Variants in LY75 observed in about 807,000 individuals in gnomAD.
LY75 encodes the protein C-type lectin domain family 13 member B.
LY75 carries 185 observed loss-of-function variants against 231.7 expected under a neutral mutation model. That is an observed-to-expected ratio of 0.80 (90% CI 0.71 to 0.90). The LOEUF (loss-of-function observed/expected upper bound fraction) is 0.90. Among genes scored for constraint, LY75 ranks in the 40% least tolerant of loss-of-function variants. The pLI is 0.00. For missense variants in LY75, 1,947 were observed against 2,050.2 expected, an observed-to-expected ratio of 0.95 and a Z score of 0.97; for synonymous variants, 668 against 689.0, an observed-to-expected ratio of 0.97 and a Z score of 0.48.
intron 12 of LY75, among the ~76,000 whole-genome samples, chr2:159,874,574 G>A (rs1241325396): frequency 2.0e-4 from 2 of 9,904 alleles, no homozygotes; most frequent in African/African-American, 6.4e-4. Flanking sequence ...ATATAAATAT[G>A]TACATATTTT....
chr2:159,890,734 A>G lies in LY75; in HGVS notation c.638-357T>C, dbSNP rs566381222. ...ATGGAAAACAAGCTCATTTGAACAT[A>G]GTGGCAGATGACAGAGGGTTTGCCC... On this transcript the variant is annotated intron_variant, in intron 3 of 34. Transcript: ENST00000263636. 2.0e-5 allele frequency among the ~76,000 whole-genome samples: 3 copies of G among 152,286 alleles called. No homozygotes were observed. The East Asian group carries it at 5.8e-4, about 29-fold the overall frequency.
At chr2:159,824,045 A>G (rs1683385722) in intron 28 of LY75, among the ~76,000 whole-genome samples, 1 of 152,158 alleles carries the variant, frequency 6.6e-6, no homozygotes, top group Non-Finnish European at 1.5e-5. Flanking sequence ...ATCAACTAAC[A>G]TGCAAAACAA....
chr2:159,831,565 C>T (rs562467200), intron 28 of LY75, 105 bp downstream of exon 28: 39 of 1,235,124 alleles, frequency 3.2e-5, no homozygotes, highest in Non-Finnish European at 4.3e-5. Context: ...CATAATTATA[C>T]TTTCACGTAT....
chr2:159,890,418 T>C, intron 3 of LY75, 41 bp from the exon 4 acceptor site: 1 of 1,607,782 alleles, frequency 6.2e-7, no homozygotes, highest in Non-Finnish European at 8.5e-7. Flanking sequence ...AGTAAGGACA[T>C]AATGTTTTCT....
chr2:159,846,997 A>T (rs13393895), intron 23 of LY75, among the ~76,000 whole-genome samples: 7,181 of 152,148 alleles, frequency 0.047, 520 homozygotes, highest in African/African-American at 0.16. Flanking sequence ...AGGCAATTTT[A>T]TTTTCTCTCT....
At chr2:159,878,775 G>A (rs186150038) in intron 9 of LY75, 54 bp from the exon 10 acceptor site, 1,639 of 1,586,198 alleles carry the variant, frequency 1.0e-3, no homozygotes, top group Non-Finnish European at 1.2e-3. Flanking sequence ...ATGGTGTCCC[G>A]TCTGGCAAGC....
At position 159,880,229 on chromosome 2, in the gene LY75, A is replaced by G. The variant is rs1188283832; in HGVS notation, c.1404+854T>C. Among the ~76,000 whole-genome samples, 4 of 152,252 alleles carry G rather than the reference A, an allele frequency of 2.6e-5. No individual in the cohort carries two copies. The South Asian group carries it at 8.3e-4, about 31-fold the overall frequency. On this transcript the variant is annotated intron_variant, in intron 8 of 34. Transcript: ENST00000263636. ...TGATACAAACAAAACGTAGAGGTAC[A>G]TATATCTTTTCTGCTCAAGACACAG...
At chr2:159,831,941 T>C (rs894397011) in intron 27 of LY75, 155 bp from the exon 28 acceptor site, 4 of 267,872 alleles carry the variant, frequency 1.5e-5, no homozygotes, top group African/African-American at 6.9e-5. Context: ...AATTATCCCA[T>C]TGTACTAAAA....
chr2:159,846,232 C>T (rs111630379), intron 23 of LY75, among the ~76,000 whole-genome samples: 1 of 151,642 alleles, frequency 6.6e-6, no homozygotes, highest in Admixed American at 6.6e-5. Flanking sequence ...AAAAAACACA[C>T]AAAAAACAGA....
chr2:159,815,415 T>G lies in LY75; in HGVS notation c.4539A>C (p.Lys1513Asn). ...AAATTGAAGTCTTACATTTTGTAGG[T>G]TTATAACAAATAGCACCATCCTTAA... Reference protein sequence around the residue: ...NSVKDGAICYKPTKSKKLSRL... With the variant: ...NSVKDGAICYNPTKSKKLSRL... The change falls in exon 31 of 35, where the codon AAA (lysine) becomes AAC (asparagine). Residue 1513 changes from lysine (K) to asparagine (N), a missense_variant. Physicochemically the swap from Lys to Asn is moderately conservative, Grantham distance 94 (BLOSUM62 0). Transcript: ENST00000263636. 1 of 1,599,990 alleles carries G rather than the reference T, an allele frequency of 6.3e-7. No individual in the cohort carries two copies. The highest frequency in any genetic ancestry group is 1.1e-5 in the South Asian group (1 of 88,616).
intron 11 of LY75, among the ~76,000 whole-genome samples, chr2:159,877,265 C>A (rs1038596212): frequency 6.6e-6 from 1 of 152,110 alleles, no homozygotes; most frequent in African/African-American, 2.4e-5. Flanking sequence ...ATTTTCCAAT[C>A]TCTGTGTTAT....
chr2:159,834,175 A>G lies in LY75; in HGVS notation c.3710T>C (p.Val1237Ala). 3 of 1,614,064 alleles carry G rather than the reference A, an allele frequency of 1.9e-6. No individual in the cohort carries two copies. The South Asian group carries it at 3.3e-5, about 18-fold the overall frequency. ...TEKEVKPVDS[V>A]KCPSPVLNTP... Reference sequence around the variant, plus strand: ...ATTTAGAACAGGAGATGGACATTTAACACTGTCAACTGGTTTGACCTCTTT... The same window carrying G: ...ATTTAGAACAGGAGATGGACATTTAGCACTGTCAACTGGTTTGACCTCTTT... Residue 1237 changes from valine to alanine, a missense_variant, in exon 27 of 35, where the codon GTT (valine) becomes GCT (alanine). Coordinates refer to ENST00000263636, the MANE Select transcript of LY75 (RefSeq NM_002349.4).
At position 159,804,180 on chromosome 2, in the gene LY75, A is replaced by G. The variant is rs889014636; in HGVS notation, c.*864T>C. ...TGGTATGAAATAACTTTGGAATAAT[A>G]TAAGAAACATCTTGCCAAGAGGAAT... is the stretch of plus-strand genomic sequence containing the variant. On this transcript the variant is annotated 3_prime_UTR_variant, in exon 35 of 35. Coordinates refer to ENST00000263636, the MANE Select transcript of LY75 (RefSeq NM_002349.4). The G allele has an allele frequency of 4.6e-5, 7 of 152,236 alleles. No homozygotes were observed. Among genetic ancestry groups the G allele is most frequent in the Admixed American group, 3.3e-4 (5 of 15,286 alleles). The allele number at this position is 152,236 out of a possible 1,614,324, so 9.4% of individuals were successfully genotyped here. A position where few individuals can be genotyped will look rare whatever the true frequency, so the allele number is the denominator to read the frequency against.
chr2:159,874,077 T>C (rs111215029), intron 12 of LY75, among the ~76,000 whole-genome samples: 1 of 138,798 alleles, frequency 7.2e-6, no homozygotes, highest in Non-Finnish European at 1.5e-5. Context: ...TGTAAAAATA[T>C]ATAAACGTAT....
At chr2:159,824,756 G>C (rs1314679641) in intron 28 of LY75, among the ~76,000 whole-genome samples, 3 of 151,048 alleles carry the variant, frequency 2.0e-5, no homozygotes, top group Admixed American at 6.6e-5. Context: ...GAAATCATAA[G>C]TCTCTCATAC....
At chr2:159,819,699 G>A in intron 29 of LY75, 27 bp downstream of exon 29, 1 of 1,572,070 alleles carries the variant, frequency 6.4e-7, no homozygotes, top group Non-Finnish European at 8.6e-7. Context: ...TGGAGTGAAA[G>A]AAAACTCTAT....
intron 28 of LY75, among the ~76,000 whole-genome samples, chr2:159,821,838 G>A (rs147296947): frequency 1.1e-4 from 17 of 152,316 alleles, no homozygotes; most frequent in South Asian, 8.3e-4. Context: ...CTGAGGTACC[G>A]GGTTCATCTC....
At chr2:159,826,993 G>C (rs1012327544) in intron 28 of LY75, among the ~76,000 whole-genome samples, 4 of 152,030 alleles carry the variant, frequency 2.6e-5, no homozygotes, top group Non-Finnish European at 1.5e-5. Context: ...TAAGACCTAT[G>C]ACCATAAAAA....
At chr2:159,863,202 T>C (rs1293785111) in intron 14 of LY75, among the ~76,000 whole-genome samples, 2 of 152,152 alleles carry the variant, frequency 1.3e-5, no homozygotes, top group Admixed American at 1.3e-4. Context: ...GCTTCATCCA[T>C]TCATCTGTTG....
Sources: allele counts gnomAD v4.1 joint callset (sites outside exome capture counted in the v4.1 genomes callset), GRCh38; gene constraint gnomAD v4.1.1; transcripts MANE v1.5; gene names NCBI Gene and HGNC (gene_info 2026-07-23, HGNC 2026-07-21).